MME: variants seen among roughly 807,000 people sequenced by gnomAD.
MME encodes membrane metalloendopeptidase, also known as neprilysin.
Under a neutral mutation model 113.2 loss-of-function variants are expected in MME, and 98 were observed. That is an observed-to-expected ratio of 0.87 (90% confidence interval 0.74 to 1.02). The LOEUF is 1.02. Ranked by LOEUF, MME falls within the 50% of genes least tolerant of loss-of-function variation. The pLI, the probability that MME is intolerant of heterozygous loss-of-function variation, is 0.00. For synonymous variants in MME, 292 were observed against 300.6 expected, an observed-to-expected ratio of 0.97 and a Z score of 0.30; for missense variants, 836 against 896.0, an observed-to-expected ratio of 0.93 and a Z score of 0.86.
In MME at chr3:155,148,427, G is replaced by T; in HGVS notation, c.1498-123G>T. 1.3e-5 allele frequency: 9 copies of T among 681,044 alleles called. No homozygotes were observed. In the Admixed American group the frequency reaches 1.4e-4, roughly 10 times the overall value. The allele number at this position is 681,044 out of a possible 1,614,324, so 42.2% of individuals were successfully genotyped here. ...CTGGAACTACATCCTTTTTTGGTAA[G>T]TTTTTTAATGCTCTCTTTTAACTTT... is the stretch of plus-strand genomic sequence containing the variant. On this transcript the variant is annotated intron_variant, in intron 15 of 22. Transcript: ENST00000360490.
chr3:155,143,829 CA>C (rs1721308268), intron 13 of MME, among the ~76,000 whole-genome samples: 1 of 152,086 alleles, frequency 6.6e-6, no homozygotes, highest in South Asian at 2.1e-4. Context: ...TTGGAGTACC[CA>C]GTAACATGTT....
rs886617066 is a variant in MME at position 155,101,240 on chromosome 3, T to C, written c.197-13754T>C. 2.0e-5 allele frequency among the ~76,000 whole-genome samples: 3 copies of C among 152,246 alleles called. 1 individual carries two copies. The highest frequency in any genetic ancestry group is 4.8e-5 in the African/African-American group (2 of 41,466). ...GAGCCATGAGCCAATTAAACCTCTT[T>C]TCTTTATAAATTACTCAGTCTCAGG... is the stretch of plus-strand genomic sequence containing the variant. On this transcript the variant is annotated intron_variant, in intron 3 of 22. Coordinates refer to ENST00000360490, the MANE Select transcript of MME (RefSeq NM_007289.4).
rs560904596 is a variant in MME, at chr3:155,182,258, C to A, written c.*1799C>A. On this transcript the variant is annotated 3_prime_UTR_variant, in exon 23 of 23. Transcript: ENST00000360490. ...TGTGCTGATTGTGGATCTTTTCATT[C>A]TCATTGCAGAATAATGTTCTATTGT... 3 of 152,302 alleles carry A rather than the reference C, an allele frequency of 2.0e-5. No individual in the cohort carries two copies. In the South Asian group the frequency reaches 6.2e-4, roughly 32 times the overall value. 9.4% of individuals were successfully genotyped at this position (152,302 alleles called of 1,614,324 possible).
upstream of MME, among the ~76,000 whole-genome samples, chr3:155,077,936 TG>T (rs1443643601): frequency 1.3e-5 from 2 of 151,616 alleles, no homozygotes; most frequent in African/African-American, 4.9e-5. Flanking sequence ...CAGGCATGAT[TG>T]CTAACACCTG....
At chr3:155,152,305 C>A (rs1721992004) in intron 16 of MME, among the ~76,000 whole-genome samples, 1 of 152,134 alleles carries the variant, frequency 6.6e-6, no homozygotes, top group Non-Finnish European at 1.5e-5. Flanking sequence ...CACCCCATTG[C>A]ATATTTCTCT....
At chr3:155,045,523 CTTT>C (rs57902267) in intron 1 of MME, among the ~76,000 whole-genome samples, 3 of 138,550 alleles carry the variant, frequency 2.2e-5, no homozygotes, top group Admixed American at 7.3e-5. Flanking sequence ...AATTAATTAT[CTTT>C]TTTTTTTTTT....
chr3:155,101,982 T>C (rs1056083422), intron 3 of MME, among the ~76,000 whole-genome samples: 1 of 152,182 alleles, frequency 6.6e-6, no homozygotes. Context: ...TGCTTGTCCT[T>C]CACCTATCAG....
Position 155,116,514 on chromosome 3 carries a change from G to A in MME, c.394G>A (p.Ala132Thr). ...AGAACCCAAAACTGAAGATATAGTA[G>A]CAGTGCAGAAAGCAAAAGCATTGTA... Reference protein sequence around the residue: ...LQEPKTEDIVAVQKAKALYRS... With the variant: ...LQEPKTEDIVTVQKAKALYRS... The change falls in exon 5 of 23, where the codon GCA becomes ACA. Residue 132 changes from alanine (A) to threonine (T), a missense_variant. Coordinates refer to ENST00000360490, the MANE Select transcript of MME (RefSeq NM_007289.4). 6.2e-7 allele frequency: 1 copy of A among 1,612,834 alleles called. No individual in the cohort carries two copies. The highest frequency in any genetic ancestry group is 8.5e-7 in the Non-Finnish European group (1 of 1,179,208).
chr3:155,115,270 T>C, intron 4 of MME, 115 bp downstream of exon 4: 2 of 1,312,372 alleles, frequency 1.5e-6, no homozygotes, highest in Middle Eastern at 2.6e-4. Flanking sequence ...AAGTTAATAA[T>C]CCTTCCAGGA....
intron 17 of MME, among the ~76,000 whole-genome samples, chr3:155,163,462 C>T (rs938319189): frequency 1.3e-5 from 2 of 152,204 alleles, no homozygotes; most frequent in African/African-American, 4.8e-5. Flanking sequence ...GCTTAATCCA[C>T]TGTTCCTCTT....
At chr3:155,110,308 T>TG (rs986512724) in intron 3 of MME, among the ~76,000 whole-genome samples, 4 of 152,180 alleles carry the variant, frequency 2.6e-5, no homozygotes, top group African/African-American at 9.7e-5. Context: ...TACTAGCTGC[T>TG]TGATCTTGGA....
At chr3:155,156,278 CT>C (rs1722300449) in intron 16 of MME, among the ~76,000 whole-genome samples, 1 of 152,072 alleles carries the variant, frequency 6.6e-6, no homozygotes, top group Non-Finnish European at 1.5e-5. Flanking sequence ...CACTTTTGTC[CT>C]GCATGGTTGT....
chr3:155,071,205 T>C (rs906169376), intron 1 of MME, among the ~76,000 whole-genome samples: 4 of 152,184 alleles, frequency 2.6e-5, no homozygotes, highest in African/African-American at 9.7e-5. Flanking sequence ...TTTTAGTGTG[T>C]TGCTGGGATG....
chr3:155,134,262 G>C (rs929839691), intron 8 of MME, among the ~76,000 whole-genome samples: 10 of 152,014 alleles, frequency 6.6e-5, no homozygotes, highest in African/African-American at 2.4e-4. Flanking sequence ...GTACCCAATA[G>C]TTAGTGTTTC....
intron 8 of MME, among the ~76,000 whole-genome samples, chr3:155,135,241 T>C (rs1410143912): frequency 6.6e-6 from 1 of 152,136 alleles, no homozygotes; most frequent in East Asian, 1.9e-4. Flanking sequence ...GTATTTCCTA[T>C]TTTGTTCTAG....
intron 16 of MME, among the ~76,000 whole-genome samples, chr3:155,152,531 A>G (rs917617738): frequency 1.3e-5 from 2 of 152,134 alleles, no homozygotes; most frequent in Non-Finnish European, 2.9e-5. Context: ...AAACTAACTC[A>G]GCTGCTAAAA....
At chr3:155,045,550 G>A (rs1194238054) in intron 1 of MME, among the ~76,000 whole-genome samples, 4 of 149,250 alleles carry the variant, frequency 2.7e-5, no homozygotes, top group Admixed American at 6.7e-5. Context: ...GTTTTGAGAC[G>A]GAGATTCACT....
At chr3:155,088,064 A>G (rs1330914454) in intron 3 of MME, among the ~76,000 whole-genome samples, 1 of 152,066 alleles carries the variant, frequency 6.6e-6, no homozygotes, top group Non-Finnish European at 1.5e-5. Context: ...ATAGCTGTAT[A>G]TTTTTCTTCA....
intron 8 of MME, among the ~76,000 whole-genome samples, chr3:155,134,062 T>G (rs1720423839): frequency 6.6e-6 from 1 of 151,960 alleles, no homozygotes; most frequent in African/African-American, 2.4e-5. Flanking sequence ...AGAAAAAAAT[T>G]GAGTTGCTGA....
Sources: allele counts gnomAD v4.1 joint callset (sites outside exome capture counted in the v4.1 genomes callset), GRCh38; gene constraint gnomAD v4.1.1; transcripts MANE v1.5; gene names NCBI Gene and HGNC (gene_info 2026-07-23, HGNC 2026-07-21).